Variants in NCOR2 observed in about 807,000 individuals in gnomAD.
NCOR2 encodes the protein CTG repeat protein 26.
NCOR2 carries 81 observed loss-of-function variants against 262.9 expected under a neutral mutation model. The ratio of observed to expected loss-of-function variants is 0.31; its 90% CI spans 0.26 to 0.37. NCOR2 has a LOEUF of 0.37. Among genes scored for constraint, NCOR2 ranks in the 10% least tolerant of loss-of-function variants. The pLI, the probability that NCOR2 is intolerant of heterozygous loss-of-function variation, is 1.00. For synonymous variants in NCOR2, 1,659 were observed against 1,559.3 expected (o/e 1.06, Z -1.51); for missense variants, 3,385 against 3,621.4 (o/e 0.93, Z 1.68).
exon 38 of NCOR2, chr12:124,336,904 G>A (rs747593604): frequency 6.9e-6 from 11 of 1,601,326 alleles, no homozygotes; most frequent in South Asian, 1.1e-5. Flanking sequence ...CGATGGTGGC[G>A]TGGCCAGAGA....
intron 24 of NCOR2, chr12:124,355,167 G>A: frequency 1.6e-6 from 1 of 613,002 alleles, no homozygotes; most frequent in East Asian, 2.9e-5. Flanking sequence ...TTTCGCAGTG[G>A]GGGAAACAGG....
intron 7 of NCOR2, among the ~76,000 whole-genome samples, chr12:124,438,744 CAGAGAG>C (rs141961803): frequency 1.0e-5 from 1 of 99,462 alleles, no homozygotes; most frequent in African/African-American, 3.9e-5. Context: ...AACAGAGAAC[CAGAGAG>C]AGAGAGAGAG....
rs78624214 is a variant in NCOR2, at chr12:124,389,907, T to A, written c.1877-4020A>T. 6.6e-6 allele frequency among the ~76,000 whole-genome samples: 1 copy of A among 151,974 alleles called. No individual in the cohort carries two copies. The highest frequency in any genetic ancestry group is 2.1e-4 in the South Asian group (1 of 4,802). ...GGGGAGCCACCCAGAAGGTTGAAAG[T>A]TAACTGAGCTGAACTTTGGATCCTA... On this transcript the variant is annotated intron_variant, in intron 16 of 46. Coordinates refer to ENST00000405201, the Ensembl canonical transcript of NCOR2. The surrounding 1 kb of genome is among the most constrained non-coding windows in gnomAD (Gnocchi z 4.4).
intron 1 of NCOR2, among the ~76,000 whole-genome samples, chr12:124,560,042 AAGAACAGG>A (rs2052017725): frequency 6.6e-6 from 1 of 152,218 alleles, no homozygotes; most frequent in Non-Finnish European, 1.5e-5. Flanking sequence ...GTAACTCAGC[AAGAACAGG>A]AGCCCAGGCT....
chr12:124,452,911 A>G (rs2045633912), intron 6 of NCOR2, among the ~76,000 whole-genome samples: 1 of 152,114 alleles, frequency 6.6e-6, no homozygotes, highest in African/African-American at 2.4e-5. Context: ...TGCGGCCTCT[A>G]AACAGGAACT....
intron 11 of NCOR2, among the ~76,000 whole-genome samples, chr12:124,424,916 T>TC (rs1418678994): frequency 2.0e-5 from 3 of 152,154 alleles, no homozygotes; most frequent in Admixed American, 1.3e-4. Flanking sequence ...CTCTCCTGCC[T>TC]CCCAGAGCTC....
chr12:124,509,797 G>A (rs1029823977), intron 1 of NCOR2, among the ~76,000 whole-genome samples: 3 of 152,076 alleles, frequency 2.0e-5, no homozygotes. Context: ...CGGCAGCTTT[G>A]CAGATGAACA....
chr12:124,414,254 G>A (rs954084628), intron 13 of NCOR2, among the ~76,000 whole-genome samples: 4 of 152,208 alleles, frequency 2.6e-5, no homozygotes, highest in African/African-American at 9.6e-5. Context: ...CTCCTTGGAA[G>A]CTTCCTCACC....
rs879790784 is a variant in NCOR2 at position 124,558,328 on chromosome 12, C to CG, written c.-165+8979_-165+8980insC. Among the ~76,000 whole-genome samples, 147 of 118,048 alleles carry CG rather than the reference C, an allele frequency of 1.2e-3. 2 individuals are homozygous for CG. The highest frequency in any genetic ancestry group is 3.5e-3 in the Admixed American group (32 of 9,208). The allele number at this position is 118,048 out of a possible 152,430, so 77.4% of individuals were successfully genotyped here. On this transcript the variant is annotated intron_variant, in intron 1 of 32. Transcript: ENST00000458234. Reference sequence around the variant, plus strand: ...CCACCACAGAATTGTGGGGAGCGAGCCAAGGGGAGGCCACAGGTGGGCAGA... The same window carrying CG: ...CCACCACAGAATTGTGGGGAGCGAGCGCAAGGGGAGGCCACAGGTGGGCAGA...
intron 27 of NCOR2, among the ~76,000 whole-genome samples, chr12:124,353,445 C>T (rs1422949569): frequency 2.6e-5 from 4 of 152,210 alleles, no homozygotes; most frequent in African/African-American, 4.8e-5. Flanking sequence ...TTGACGCTGC[C>T]TGAGTGAAAA....
At chr12:124,332,656 G>C (rs2035304417) in intron 42 of NCOR2, among the ~76,000 whole-genome samples, 189 bp from the exon 45 acceptor site, 1 of 152,124 alleles carries the variant, frequency 6.6e-6, no homozygotes, top group African/African-American at 2.4e-5. Flanking sequence ...CCCGTCCTGG[G>C]GCTAGGGGTG....
intron 1 of NCOR2, among the ~76,000 whole-genome samples, chr12:124,550,710 C>A (rs907647892): frequency 1.3e-5 from 2 of 152,220 alleles, no homozygotes; most frequent in African/African-American, 4.8e-5. Context: ...AGCTGCCAAA[C>A]CACATGCCCA....
At chr12:124,508,799 G>A (rs2049202196) in intron 1 of NCOR2, among the ~76,000 whole-genome samples, 1 of 152,166 alleles carries the variant, frequency 6.6e-6, no homozygotes, top group African/African-American at 2.4e-5. Flanking sequence ...TACAGCCCAG[G>A]GGCTGCCAGG....
At chr12:124,441,695 C>T (rs1005084039) in intron 7 of NCOR2, among the ~76,000 whole-genome samples, 2 of 152,236 alleles carry the variant, frequency 1.3e-5, no homozygotes, top group Non-Finnish European at 2.9e-5. Context: ...CTCCAGGAGG[C>T]GGAGCTTAAC....
At chr12:124,414,497 A>G (rs547560909) in intron 13 of NCOR2, among the ~76,000 whole-genome samples, 306 of 152,242 alleles carry the variant, frequency 2.0e-3, no homozygotes, top group Non-Finnish European at 3.3e-3. Context: ...CAAGGCTCCC[A>G]TGTCTCACTG....
chr12:124,478,871 G>A (rs2047245982), intron 3 of NCOR2, among the ~76,000 whole-genome samples: 1 of 152,132 alleles, frequency 6.6e-6, no homozygotes. Flanking sequence ...AGATGGAGAG[G>A]CAGAGACACA....
intron 11 of NCOR2, among the ~76,000 whole-genome samples, chr12:124,425,645 C>T (rs924932223): frequency 1.3e-5 from 2 of 152,126 alleles, no homozygotes; most frequent in African/African-American, 2.4e-5. Context: ...GATGTCACAT[C>T]GCAGATTCTC....
chr12:124,388,905 G>T, intron 16 of NCOR2: 1 of 956,122 alleles, frequency 1.0e-6, no homozygotes, highest in Non-Finnish European at 1.3e-6. Flanking sequence ...AGCGAGGGAG[G>T]GAGGGACGCG....
chr12:124,437,758 A>G (rs921701348), intron 8 of NCOR2, among the ~76,000 whole-genome samples, 172 bp downstream of exon 10: 1 of 139,174 alleles, frequency 7.2e-6, no homozygotes, highest in Non-Finnish European at 1.6e-5. Flanking sequence ...TTCTGGAAGC[A>G]GCTGTTGTCT....
Sources: gnomAD v4.1 joint callset for allele counts (sites outside exome capture counted in the v4.1 genomes callset) on GRCh38, gnomAD v4.1.1 for gene constraint, Gnocchi (gnomAD v3.1) non-coding constraint, MANE v1.5 for transcripts, NCBI Gene and HGNC (gene_info 2026-07-23, HGNC 2026-07-21) for gene names.